The following ARL15 variants were observed in gnomAD, a reference collection of about 807,000 sequenced individuals.
ARL15 encodes the protein ADP-ribosylation factor-like protein 15.
In ARL15, 19 loss-of-function variants were observed where a neutral mutation model predicts 25.2. That is an observed-to-expected ratio of 0.75 (90% CI 0.53 to 1.10). The LOEUF is 1.10. Ranked by LOEUF, ARL15 falls within the 50% of genes least tolerant of loss-of-function variation. The pLI is 0.00. For synonymous variants in ARL15, 94 were observed against 86.8 expected (o/e 1.08, Z -0.46); for missense variants, 220 against 246.0 (o/e 0.89, Z 0.71).
intron 1 of ARL15, among the ~76,000 whole-genome samples, chr5:54,229,049 T>C (rs988502754): frequency 1.3e-5 from 2 of 152,176 alleles, no homozygotes; most frequent in African/African-American, 4.8e-5. Flanking sequence ...TCCACTTTGG[T>C]TGTCACTAGT....
chr5:53,917,506 C>T (rs1206754442), intron 4 of ARL15, among the ~76,000 whole-genome samples: 4 of 152,182 alleles, frequency 2.6e-5, no homozygotes, highest in Non-Finnish European at 4.4e-5. Flanking sequence ...TAGGCACTAA[C>T]CAAACACATA....
At chr5:54,142,174 A>G (rs907259767) in intron 3 of ARL15, among the ~76,000 whole-genome samples, 3 of 152,208 alleles carry the variant, frequency 2.0e-5, no homozygotes, top group South Asian at 2.1e-4. Flanking sequence ...CTATAGCTAC[A>G]GTAAGTGGAG....
At chr5:54,011,563 C>T (rs558717408) in intron 4 of ARL15, among the ~76,000 whole-genome samples, 1 of 152,208 alleles carries the variant, frequency 6.6e-6, no homozygotes, top group East Asian at 1.9e-4. Context: ...GCATGAGTTC[C>T]ATTTTTAACT....
intron 4 of ARL15, among the ~76,000 whole-genome samples, chr5:54,036,451 C>G (rs546785565): frequency 6.6e-6 from 1 of 151,962 alleles, no homozygotes; most frequent in Non-Finnish European, 1.5e-5. Context: ...CTACATATTC[C>G]AATACTGACT....
At chr5:54,066,195 T>A (rs556703450) in intron 4 of ARL15, among the ~76,000 whole-genome samples, 2 of 152,284 alleles carry the variant, frequency 1.3e-5, no homozygotes, top group South Asian at 4.1e-4. Context: ...TGGTGCTTTC[T>A]CCTATACTAG....
intron 2 of ARL15, among the ~76,000 whole-genome samples, chr5:54,159,844 C>CA (rs1434949501): frequency 6.6e-6 from 1 of 152,184 alleles, no homozygotes; most frequent in Non-Finnish European, 1.5e-5. Flanking sequence ...ACCTGTGAGA[C>CA]AAGAAAGATG....
intron 4 of ARL15, among the ~76,000 whole-genome samples, chr5:54,007,890 G>T (rs1749098343): frequency 6.6e-6 from 1 of 152,146 alleles, no homozygotes; most frequent in African/African-American, 2.4e-5. Flanking sequence ...TTTGAAAGAG[G>T]AAGTGTAGAT....
intron 1 of ARL15, among the ~76,000 whole-genome samples, chr5:54,174,655 C>T (rs1754813652): frequency 6.6e-6 from 1 of 152,214 alleles, no homozygotes; most frequent in South Asian, 2.1e-4. Context: ...ACCATAACTA[C>T]TAACAGCATT....
At chr5:54,169,809 A>G (rs935157667) in intron 2 of ARL15, among the ~76,000 whole-genome samples, 1 of 152,184 alleles carries the variant, frequency 6.6e-6, no homozygotes, top group East Asian at 1.9e-4. Context: ...GTTCTGTCCA[A>G]GGAGAAAAGA....
chr5:54,277,699 C>T (rs1272533030), intron 1 of ARL15, among the ~76,000 whole-genome samples: 2 of 152,086 alleles, frequency 1.3e-5, no homozygotes, highest in Non-Finnish European at 2.9e-5. Context: ...TTGCAGTGAG[C>T]CGAGATCGTG....
intron 1 of ARL15, among the ~76,000 whole-genome samples, chr5:54,249,758 C>T (rs376092401): frequency 2.6e-5 from 4 of 151,768 alleles, no homozygotes; most frequent in African/African-American, 7.3e-5. Context: ...CACAGAATTC[C>T]TAAGGCACGA....
intron 3 of ARL15, among the ~76,000 whole-genome samples, chr5:54,136,455 AG>A (rs2112294595): frequency 6.6e-6 from 1 of 152,360 alleles, no homozygotes; most frequent in East Asian, 1.9e-4. Flanking sequence ...GTGACAAACA[AG>A]TCTGTATCAT....
chr5:54,179,504 A>G (rs1754983661), intron 1 of ARL15, among the ~76,000 whole-genome samples: 1 of 152,156 alleles, frequency 6.6e-6, no homozygotes, highest in African/African-American at 2.4e-5. Flanking sequence ...TCCAGGCAAA[A>G]GGGACCTGCA....
At chr5:53,974,061 T>A (rs182392279) in intron 4 of ARL15, among the ~76,000 whole-genome samples, 1 of 152,106 alleles carries the variant, frequency 6.6e-6, no homozygotes, top group South Asian at 2.1e-4. Context: ...ATAAATAACA[T>A]TGCATACAAG....
chr5:54,092,758 A>T (rs1752168711), intron 4 of ARL15, among the ~76,000 whole-genome samples: 1 of 152,178 alleles, frequency 6.6e-6, no homozygotes, highest in Admixed American at 6.5e-5. Flanking sequence ...CTCTGACCAG[A>T]TCTCAGAGAT....
intron 2 of ARL15, among the ~76,000 whole-genome samples, chr5:54,156,663 A>G (rs1003308555): frequency 3.3e-5 from 5 of 152,236 alleles, no homozygotes; most frequent in African/African-American, 1.2e-4. Flanking sequence ...AGTCTGCTGC[A>G]CAGAAAGGAT....
At chr5:53,946,728 A>C (rs1746749403) in intron 4 of ARL15, among the ~76,000 whole-genome samples, 1 of 152,146 alleles carries the variant, frequency 6.6e-6, no homozygotes, top group Admixed American at 6.5e-5. Context: ...TTTGGGGAAA[A>C]TGGATCTAAG....
intron 4 of ARL15, among the ~76,000 whole-genome samples, chr5:54,020,585 A>G (rs1457808051): frequency 6.6e-6 from 1 of 152,232 alleles, no homozygotes; most frequent in Non-Finnish European, 1.5e-5. Flanking sequence ...TTCATGAAAT[A>G]ATAGCCAAAG....
At chr5:53,971,610 T>TA (rs3836823) in intron 4 of ARL15, among the ~76,000 whole-genome samples, 5 of 151,030 alleles carry the variant, frequency 3.3e-5, no homozygotes, top group South Asian at 2.1e-4. Flanking sequence ...ATGAAGTGAT[T>TA]AAAAAAAAAA....
Sources: gnomAD v4.1 joint callset for allele counts (sites outside exome capture counted in the v4.1 genomes callset) on GRCh38, gnomAD v4.1.1 for gene constraint, MANE v1.5 for transcripts, NCBI Gene and HGNC (gene_info 2026-07-23, HGNC 2026-07-21) for gene names.